The following AIM2 variants were observed in gnomAD, a reference collection of about 807,000 sequenced individuals.
AIM2 encodes absent in melanoma 2.
A neutral mutation model predicts 27.7 loss-of-function variants in AIM2; 30 were observed. The ratio of observed to expected loss-of-function variants is 1.08; its 90% confidence interval spans 0.81 to 1.47. AIM2 has a LOEUF of 1.47. AIM2 is among the 40% of genes most tolerant of loss of function. AIM2 has a pLI of 0.00. For synonymous variants in AIM2, 141 were observed against 145.3 expected (o/e 0.97, Z 0.21); for missense variants, 358 against 411.3 (o/e 0.87, Z 1.12).
chr1:159,077,147 C>T (rs1038336008), upstream of AIM2, among the ~76,000 whole-genome samples: 12 of 152,160 alleles, frequency 7.9e-5, no homozygotes, highest in Non-Finnish European at 1.5e-4. Flanking sequence ...GAGACCCAAG[C>T]GAAAGTATAG....
At chr1:159,071,315 T>G (rs1181244530) in intron 2 of AIM2, among the ~76,000 whole-genome samples, 1 of 152,228 alleles carries the variant, frequency 6.6e-6, no homozygotes, top group South Asian at 2.1e-4. Flanking sequence ...GAAGGATCAC[T>G]TAACCAAGAA....
intron 1 of AIM2, among the ~76,000 whole-genome samples, chr1:159,139,579 G>A (rs891566625): frequency 2.0e-5 from 3 of 152,246 alleles, no homozygotes; most frequent in African/African-American, 7.2e-5. Context: ...ACTTGGCAAA[G>A]CTGCTTCTTA....
rs1457957491 is a variant in AIM2, at chr1:159,102,998, G to A, written c.-15-36669C>T. On this transcript the variant is annotated intron_variant, in intron 1 of 2. Coordinates refer to the AIM2 transcript ENST00000368129. ...TGAGATTTGGGAGGGGTCAGGGGTGGGAAGTTATAGTTTGCCTCTGGGTCC... is the reference window on the plus strand; with the variant it reads ...TGAGATTTGGGAGGGGTCAGGGGTGAGAAGTTATAGTTTGCCTCTGGGTCC... 3.9e-5 allele frequency among the ~76,000 whole-genome samples: 6 copies of A among 152,128 alleles called. No individual in the cohort carries two copies. The East Asian group carries it at 1.2e-3, about 29-fold the overall frequency.
At chr1:159,062,740 G>A (rs1232593192) in intron 5 of AIM2, 22 bp from the exon 6 acceptor site, 1 of 1,612,568 alleles carries the variant, frequency 6.2e-7, no homozygotes, top group Non-Finnish European at 8.5e-7. Context: ...AAAAAAACAT[G>A]CAGTCTGAGA....
At chr1:159,128,077 A>G (rs973620063) in intron 1 of AIM2, among the ~76,000 whole-genome samples, 1 of 152,160 alleles carries the variant, frequency 6.6e-6, no homozygotes, top group African/African-American at 2.4e-5. Flanking sequence ...AGTAGAACAC[A>G]TGCCTCTGGA....
upstream of AIM2, among the ~76,000 whole-genome samples, chr1:159,144,903 C>T (rs1017795879): frequency 1.1e-4 from 16 of 152,144 alleles, no homozygotes; most frequent in African/African-American, 3.6e-4. Context: ...TAAGGGCTAT[C>T]GCATGGAGTA....
At chr1:159,107,940 C>A (rs1657487316) in intron 1 of AIM2, among the ~76,000 whole-genome samples, 1 of 152,072 alleles carries the variant, frequency 6.6e-6, no homozygotes, top group Non-Finnish European at 1.5e-5. Context: ...AAGTCCAGGA[C>A]CAGACAGATG....
chr1:159,130,800 CCA>C (rs10557540), intron 1 of AIM2, among the ~76,000 whole-genome samples: 17,231 of 144,956 alleles, frequency 0.12, 1,121 homozygotes, highest in South Asian at 0.28. Context: ...AGCCTGGTCA[CCA>C]CACACACACA....
chr1:159,109,525 A>G (rs1199885913), intron 1 of AIM2, among the ~76,000 whole-genome samples: 1 of 152,238 alleles, frequency 6.6e-6, no homozygotes, highest in African/African-American at 2.4e-5. Flanking sequence ...TTAAGAACCC[A>G]AAAGCAAATG....
intron 1 of AIM2, among the ~76,000 whole-genome samples, chr1:159,118,047 T>C (rs996283536): frequency 7.9e-5 from 12 of 152,142 alleles, no homozygotes; most frequent in Non-Finnish European, 1.6e-4. Flanking sequence ...AAAAATCTCT[T>C]ATACAGCCTC....
chr1:159,083,294 AG>A (rs1384034302), intron 1 of AIM2, among the ~76,000 whole-genome samples: 4 of 152,302 alleles, frequency 2.6e-5, no homozygotes, highest in Non-Finnish European at 5.9e-5. Flanking sequence ...GTAAGAAAAG[AG>A]GTGTAAGAAA....
chr1:159,074,208 A>G (rs185356106), intron 1 of AIM2, among the ~76,000 whole-genome samples: 4 of 152,312 alleles, frequency 2.6e-5, no homozygotes, highest in Admixed American at 6.5e-5. Context: ...CAATTAATCA[A>G]TCTGTTCTTT....
chr1:159,087,617 G>A (rs1308608560), intron 1 of AIM2, among the ~76,000 whole-genome samples: 1 of 150,624 alleles, frequency 6.6e-6, no homozygotes, highest in East Asian at 2.0e-4. Context: ...CTGTCACCCG[G>A]GCTGGAGTGC....
chr1:159,121,488 T>C (rs7523971), intron 1 of AIM2, among the ~76,000 whole-genome samples: 1,667 of 152,300 alleles, frequency 0.011, 32 homozygotes, highest in African/African-American at 0.038. Context: ...TGTTTTTTTT[T>C]CCTAAATTTT....
intron 1 of AIM2, among the ~76,000 whole-genome samples, chr1:159,133,401 T>C (rs1387538590): frequency 6.6e-6 from 1 of 152,168 alleles, no homozygotes; most frequent in African/African-American, 2.4e-5. Context: ...AACGAAAAGT[T>C]TTAAAGTAAG....
chr1:159,131,704 G>A (rs534256385), intron 1 of AIM2, among the ~76,000 whole-genome samples: 16 of 152,092 alleles, frequency 1.1e-4, no homozygotes, highest in African/African-American at 3.1e-4. Flanking sequence ...GAAAGTGGGC[G>A]GACAACAAAA....
upstream of AIM2, chr1:159,076,819 G>T (rs1656627789): frequency 6.6e-6 from 1 of 152,262 alleles, no homozygotes; most frequent in Non-Finnish European, 1.5e-5. Context: ...CCCAGGCCCA[G>T]TGTGGGTAGG....
At chr1:159,056,090 T>C in the AIM2 span, among the ~76,000 whole-genome samples, 1 of 152,182 alleles carries the variant, frequency 6.6e-6, no homozygotes, top group Non-Finnish European at 1.5e-5. Context: ...ATGGGAATCC[T>C]TATCATGGGG....
chr1:159,055,720 GA>G, the AIM2 span, among the ~76,000 whole-genome samples: 2 of 152,316 alleles, frequency 1.3e-5, no homozygotes, highest in South Asian at 4.1e-4. Flanking sequence ...ATTCAGAATA[GA>G]ATAGCAGAAA....
Sources: allele counts gnomAD v4.1 joint callset (sites outside exome capture counted in the v4.1 genomes callset), GRCh38; gene constraint gnomAD v4.1.1; transcripts MANE v1.5; gene names NCBI Gene and HGNC (gene_info 2026-07-23, HGNC 2026-07-21).